Variants in AHDC1 observed in about 807,000 individuals in gnomAD.
AHDC1 encodes the protein transcription factor Gibbin.
Under a neutral mutation model 87.9 loss-of-function variants are expected in AHDC1, and 7 were observed. The observed-to-expected ratio is 0.08, with a 90% CI of 0.05 to 0.15. AHDC1 has a LOEUF of 0.15. AHDC1 is among the 10% of genes least tolerant of loss of function. AHDC1 has a pLI of 1.00. For missense variants in AHDC1, 1,841 were observed against 2,253.2 expected (o/e 0.82, Z 3.70); for synonymous variants, 1,051 against 1,006.8 (o/e 1.04, Z -0.83).
intron 3 of AHDC1, among the ~76,000 whole-genome samples, chr1:27,575,934 T>G: frequency 6.6e-6 from 1 of 150,924 alleles, no homozygotes; most frequent in Non-Finnish European, 1.5e-5. Flanking sequence ...GGGAGGGCCG[T>G]CGCGATCCGG....
intron 3 of AHDC1, among the ~76,000 whole-genome samples, chr1:27,578,702 C>CTT (rs911677768): frequency 6.9e-6 from 1 of 145,058 alleles, no homozygotes; most frequent in Non-Finnish European, 1.5e-5. Flanking sequence ...TGTGGCTTCT[C>CTT]TTTTTTTTTT....
At position 27,550,431 on chromosome 1, in the gene AHDC1, T is replaced by C; in HGVS notation, c.1685A>G (p.Lys562Arg). The C allele has an allele frequency of 1.9e-6, 3 of 1,610,320 alleles. No individual in the cohort carries two copies. The highest frequency in any genetic ancestry group is 1.1e-5 in the South Asian group (1 of 90,960). The change falls in exon 8 of 9, where the codon AAG (lysine) becomes AGG (arginine). Residue 562 changes from lysine (K) to arginine (R), a missense_variant. Coordinates refer to ENST00000673934, the MANE Select transcript of AHDC1 (RefSeq NM_001371928.1). ...KNLLLGPGKP[K>R]EPAVVAAEAA... ...CTCGGCCGCCACCACAGCTGGCTCC[T>C]TGGGCTTGCCGGGACCCAGCAGCAG... is the stretch of plus-strand genomic sequence containing the variant.
chr1:27,543,954 A>C (rs1571217178), intron 8 of AHDC1, among the ~76,000 whole-genome samples: 1 of 152,116 alleles, frequency 6.6e-6, no homozygotes, highest in African/African-American at 2.4e-5. Flanking sequence ...AAAAGAAAAA[A>C]AAAAAAAAGT....
rs376884185 is a variant in AHDC1 at position 27,586,479 on chromosome 1, G to A, written c.-629+16918C>T. Among the ~76,000 whole-genome samples, 62 of 152,300 alleles carry A rather than the reference G, an allele frequency of 4.1e-4. No individual in the cohort carries two copies. The South Asian group carries it at 6.8e-3, about 17-fold the overall frequency. On this transcript the variant is annotated intron_variant, in intron 3 of 8. Transcript: ENST00000673934. ...GAGCCAGCGGCAGTAGGTTATGATA[G>A]GCGATTACCCGTCATTAATTAATTA...
intron 3 of AHDC1, among the ~76,000 whole-genome samples, chr1:27,591,377 T>C (rs2089216726): frequency 1.3e-5 from 2 of 152,118 alleles, no homozygotes; most frequent in Non-Finnish European, 2.9e-5. Flanking sequence ...GCTCACAGGG[T>C]GTGTGACCTT....
rs564435242 is a variant in AHDC1 at position 27,561,160 on chromosome 1, G to A, written c.-628-2277C>T. Among the ~76,000 whole-genome samples the A allele has an allele frequency of 1.3e-5, 2 of 152,304 alleles. No homozygotes were observed. The highest frequency in any genetic ancestry group is 4.1e-4 in the South Asian group (2 of 4,828). ...CCCTTGGGGAGCCCCCACCTTTGCA[G>A]CTCCCCAGAGGCCCAGGAGGAAGGA... On this transcript the variant is annotated intron_variant, in intron 3 of 8. Transcript: ENST00000673934. This position sits in a 1 kb window ranked among gnomAD's most constrained non-coding sequence, Gnocchi z 4.2.
rs1261479797 is a variant in AHDC1 at position 27,565,772 on chromosome 1, T to C, written c.-628-6889A>G. 1.3e-5 allele frequency among the ~76,000 whole-genome samples: 2 copies of C among 152,212 alleles called. No homozygotes were observed. Among genetic ancestry groups the C allele is most frequent in the South Asian group, 2.1e-4 (1 of 4,834 alleles). On this transcript the variant is annotated intron_variant, in intron 3 of 8. Transcript: ENST00000673934. This position sits in a 1 kb window ranked among gnomAD's most constrained non-coding sequence, Gnocchi z 4.6. ...AAATCCCAAGAATCAGTGAGGCCTG[T>C]TCTCTAGAGAGCTTCTTGGGCCAGT...
chr1:27,558,722 G>A lies in AHDC1; in HGVS notation c.-467C>T. 1 of 398,700 alleles carries A rather than the reference G, an allele frequency of 2.5e-6. No homozygotes were observed. Among genetic ancestry groups the A allele is most frequent in the Non-Finnish European group, 4.4e-6 (1 of 226,092 alleles). 24.7% of individuals were successfully genotyped at this position (398,700 alleles called of 1,614,324 possible). On this transcript the variant is annotated 5_prime_UTR_variant, in exon 4 of 9. Transcript: ENST00000673934. This position sits in a 1 kb window ranked among gnomAD's most constrained non-coding sequence, Gnocchi z 5.6. ...CACTGTTACCTGAGCAGGCTGCGAAGATAGGCTGGGCTCAGCAGGAAAGGC... is the reference window on the plus strand; with the variant it reads ...CACTGTTACCTGAGCAGGCTGCGAAAATAGGCTGGGCTCAGCAGGAAAGGC...
intron 8 of AHDC1, among the ~76,000 whole-genome samples, chr1:27,536,130 G>A (rs764953551): frequency 6.6e-6 from 1 of 151,896 alleles, no homozygotes. Flanking sequence ...ATCAGGCGGC[G>A]GCAGAAAGCC....
At chr1:27,578,864 T>G (rs549447406) in intron 3 of AHDC1, among the ~76,000 whole-genome samples, 2 of 151,704 alleles carry the variant, frequency 1.3e-5, no homozygotes, top group African/African-American at 4.8e-5. Context: ...GCCCAGCTAA[T>G]TTTTTGTATT....
intron 3 of AHDC1, among the ~76,000 whole-genome samples, chr1:27,575,501 G>A (rs2088696574): frequency 6.6e-6 from 1 of 152,002 alleles, no homozygotes; most frequent in Non-Finnish European, 1.5e-5. Context: ...GCCCCCTAGG[G>A]TCGGGCGCCA....
At chr1:27,554,228 C>G (rs1481267087) in intron 5 of AHDC1, among the ~76,000 whole-genome samples, 3 of 152,226 alleles carry the variant, frequency 2.0e-5, no homozygotes, top group Non-Finnish European at 2.9e-5. Flanking sequence ...GGGACATTCT[C>G]TGATCCTTCT....
Position 27,593,636 on chromosome 1 carries a change from G to A in AHDC1, c.-629+9761C>T, listed in dbSNP as rs1299444708. Among the ~76,000 whole-genome samples the A allele has an allele frequency of 6.6e-6, 1 of 152,200 alleles. No individual in the cohort carries two copies. The highest frequency in any genetic ancestry group is 1.5e-5 in the Non-Finnish European group (1 of 68,024). ...ACATATGTGCAAACACCCCCGGTGG[G>A]TCTTGGCATGCCTGCCCATGGGCTT... On this transcript the variant is annotated intron_variant, in intron 3 of 8. Coordinates refer to ENST00000673934, the MANE Select transcript of AHDC1 (RefSeq NM_001371928.1). The surrounding 1 kb of genome is among the most constrained non-coding windows in gnomAD (Gnocchi z 4.9).
intron 8 of AHDC1, among the ~76,000 whole-genome samples, chr1:27,543,186 TGA>T (rs2019006104): frequency 6.6e-6 from 1 of 152,204 alleles, no homozygotes; most frequent in Admixed American, 6.5e-5. Flanking sequence ...AGGTCAGGCC[TGA>T]GAGGGAGTAG....
chr1:27,564,081 A>C (rs995963173), intron 3 of AHDC1, among the ~76,000 whole-genome samples: 2 of 152,150 alleles, frequency 1.3e-5, no homozygotes, highest in Non-Finnish European at 2.9e-5. Context: ...TTCCTTACAA[A>C]GGCCCCCTCT....
chr1:27,576,455 T>C (rs903259001), intron 3 of AHDC1, among the ~76,000 whole-genome samples: 2 of 152,228 alleles, frequency 1.3e-5, no homozygotes, highest in Non-Finnish European at 2.9e-5. Flanking sequence ...GCACCTGCCC[T>C]GCATTATTAG....
intron 3 of AHDC1, among the ~76,000 whole-genome samples, chr1:27,587,636 G>A (rs1298761131): frequency 1.3e-5 from 2 of 152,164 alleles, no homozygotes; most frequent in African/African-American, 4.8e-5. Flanking sequence ...TGAGCTTTCT[G>A]TAGACTAAGA....
intron 8 of AHDC1, among the ~76,000 whole-genome samples, chr1:27,546,355 A>T (rs148242405): frequency 7.9e-5 from 12 of 152,142 alleles, no homozygotes; most frequent in Non-Finnish European, 1.2e-4. Flanking sequence ...TAAAACACCA[A>T]ATCTTGAGAA....
intron 3 of AHDC1, among the ~76,000 whole-genome samples, chr1:27,567,379 C>T (rs916807683): frequency 2.6e-5 from 4 of 151,898 alleles, no homozygotes; most frequent in East Asian, 3.9e-4. Flanking sequence ...CTGAAGCGGC[C>T]GTCGGGGGGC....
Sources: gnomAD v4.1 joint callset for allele counts (sites outside exome capture counted in the v4.1 genomes callset) on GRCh38, gnomAD v4.1.1 for gene constraint, Gnocchi (gnomAD v3.1) non-coding constraint, MANE v1.5 for transcripts, NCBI Gene and HGNC (gene_info 2026-07-23, HGNC 2026-07-21) for gene names.